The following DGKB variants were observed in gnomAD, a reference collection of about 807,000 sequenced individuals.
DGKB encodes the protein 90 kDa diacylglycerol kinase.
DGKB carries 67 observed loss-of-function variants against 114.3 expected under a neutral mutation model. The observed-to-expected ratio is 0.59, with a 90% CI of 0.48 to 0.72. The LOEUF (loss-of-function observed/expected upper bound fraction) is 0.72, where lower values mean the gene tolerates loss of function less well. Among genes scored for constraint, DGKB ranks in the 30% least tolerant of loss-of-function variants. DGKB has a pLI of 0.00. For synonymous variants in DGKB, 398 were observed against 323.1 expected (o/e 1.23, Z -2.49); for missense variants, 907 against 975.2 (o/e 0.93, Z 0.93).
At chr7:14,353,079 A>T (rs1813780065) in intron 21 of DGKB, among the ~76,000 whole-genome samples, 1 of 152,234 alleles carries the variant, frequency 6.6e-6, no homozygotes, top group Admixed American at 6.5e-5. Flanking sequence ...TGAGCTTAGA[A>T]GTGATGCTTC....
intron 12 of DGKB, among the ~76,000 whole-genome samples, chr7:14,677,059 C>G (rs1267161068): frequency 6.6e-6 from 1 of 151,784 alleles, no homozygotes; most frequent in African/African-American, 2.4e-5. Flanking sequence ...GAAATAATTT[C>G]AGAGTTTATG....
intron 20 of DGKB, among the ~76,000 whole-genome samples, chr7:14,488,831 CCAAAAAAAAA>C (rs1005944724): frequency 1.3e-4 from 14 of 103,828 alleles, no homozygotes; most frequent in East Asian, 1.2e-3. Context: ...GACTCCGTCT[CCAAAAAAAAA>C]CAAAAAAAAA....
chr7:14,843,713 A>T (rs1159440899), intron 1 of DGKB, among the ~76,000 whole-genome samples: 4 of 152,236 alleles, frequency 2.6e-5, no homozygotes, highest in Admixed American at 6.5e-5. Flanking sequence ...CTTAACTGGT[A>T]ATAACAACGG....
intron 23 of DGKB, among the ~76,000 whole-genome samples, chr7:14,327,919 C>A (rs904141802): frequency 9.2e-5 from 14 of 152,016 alleles, no homozygotes; most frequent in Non-Finnish European, 1.9e-4. Context: ...TGCAAGAGAC[C>A]ATGGTTAGCT....
At chr7:14,288,274 C>CAAACT (rs1801210386) in intron 23 of DGKB, among the ~76,000 whole-genome samples, 1 of 57,614 alleles carries the variant, frequency 1.7e-5, no homozygotes, top group South Asian at 6.6e-4. Flanking sequence ...AAAAAAGAAA[C>CAAACT]AAACTACCCT....
At chr7:14,913,711 G>A (rs1248645501) in intron 1 of DGKB, among the ~76,000 whole-genome samples, 1 of 151,902 alleles carries the variant, frequency 6.6e-6, no homozygotes, top group African/African-American at 2.4e-5. Flanking sequence ...AATTTTCAAG[G>A]ATGACTTGCT....
At position 14,930,259 on chromosome 7, in the gene DGKB, G is replaced by A. The variant is rs551687738; in HGVS notation, c.-188+44437C>T. ...ATTTTTTTCTAATTCTATGAAAAAT[G>A]AAATTTGCATTTTGATAGGGATTGC... On this transcript the variant is annotated intron_variant, in intron 1 of 4. Transcript: ENST00000437998. Among the ~76,000 whole-genome samples, 7 of 152,208 alleles carry A rather than the reference G, an allele frequency of 4.6e-5. No homozygotes were observed. The South Asian group carries it at 1.2e-3, about 27-fold the overall frequency.
At chr7:14,315,968 G>T (rs1806402483) in intron 23 of DGKB, among the ~76,000 whole-genome samples, 1 of 151,662 alleles carries the variant, frequency 6.6e-6, no homozygotes, top group South Asian at 2.1e-4. Context: ...TAGAACTCAG[G>T]ATTAAGAATT....
chr7:14,943,097 TTTTC>T (rs1489936889), intron 1 of DGKB, among the ~76,000 whole-genome samples: 2 of 151,954 alleles, frequency 1.3e-5, no homozygotes, highest in Non-Finnish European at 1.5e-5. Flanking sequence ...GTGTGCTTTA[TTTTC>T]TTTCTTTTTA....
At position 14,338,716 on chromosome 7, in the gene DGKB, C is replaced by A; in HGVS notation, c.1927-6G>T. The A allele has an allele frequency of 2.1e-6, 3 of 1,417,866 alleles. No homozygotes were observed. The highest frequency in any genetic ancestry group is 1.5e-5 in the African/African-American group (1 of 67,784). The allele number at this position is 1,417,866 out of a possible 1,614,324, so 87.8% of individuals were successfully genotyped here. ...TCTATCTGTACTCCATCACACTGAT[C>A]GGTAAAAAGAAAGAAACAGAAACGG... is the stretch of plus-strand genomic sequence containing the variant. On this transcript the variant is annotated splice_polypyrimidine_tract_variant and splice_region_variant and intron_variant, in intron 22 of 25. Transcript: ENST00000402815.
chr7:14,299,318 G>C (rs1187082197), intron 23 of DGKB, among the ~76,000 whole-genome samples: 3 of 152,060 alleles, frequency 2.0e-5, no homozygotes, highest in Non-Finnish European at 4.4e-5. Flanking sequence ...AAAATGCCTA[G>C]ATAGAAAAGC....
intron 1 of DGKB, among the ~76,000 whole-genome samples, chr7:14,970,294 T>C (rs929122620): frequency 7.2e-5 from 11 of 152,064 alleles, no homozygotes; most frequent in Non-Finnish European, 1.3e-4. Flanking sequence ...TTGAACAACA[T>C]AGAGTTTCTT....
At chr7:14,852,552 G>T (rs189537201) in intron 1 of DGKB, among the ~76,000 whole-genome samples, 9 of 115,202 alleles carry the variant, frequency 7.8e-5, no homozygotes, top group African/African-American at 2.8e-4. Flanking sequence ...CCCAGAAAAA[G>T]AAAAGATCCA....
chr7:14,726,599 A>G (rs1830072407), intron 5 of DGKB, among the ~76,000 whole-genome samples: 2 of 152,356 alleles, frequency 1.3e-5, no homozygotes, highest in African/African-American at 2.4e-5. Flanking sequence ...CATTTGAAAG[A>G]AAATTAGAAA....
intron 1 of DGKB, among the ~76,000 whole-genome samples, chr7:14,874,044 A>C (rs1228677481): frequency 6.6e-6 from 1 of 152,102 alleles, no homozygotes; most frequent in Non-Finnish European, 1.5e-5. Context: ...TCTTTAAATA[A>C]AATTCTACCA....
intron 5 of DGKB, among the ~76,000 whole-genome samples, chr7:14,724,201 GTATAAT>G (rs1166959293): frequency 1.3e-5 from 2 of 151,980 alleles, no homozygotes; most frequent in Non-Finnish European, 2.9e-5. Context: ...TTATCACATA[GTATAAT>G]TATATTTCCA....
Position 14,320,191 on chromosome 7 carries a change from A to T in DGKB, c.2122+18324T>A, listed in dbSNP as rs551974686. 7.9e-5 allele frequency among the ~76,000 whole-genome samples: 12 copies of T among 152,278 alleles called. No individual in the cohort carries two copies. The South Asian group carries it at 1.9e-3, about 24-fold the overall frequency. On this transcript the variant is annotated intron_variant, in intron 23 of 25. Coordinates refer to ENST00000402815, the MANE Select transcript of DGKB (RefSeq NM_001350709.2). ...GGTCCAGCAGTGGTGGGAACAACAG[A>T]CACTCATGCAGCTTTCCTCGCTCTC...
intron 2 of DGKB, among the ~76,000 whole-genome samples, chr7:14,776,741 G>A (rs944609835): frequency 1.1e-4 from 17 of 152,230 alleles, no homozygotes; most frequent in African/African-American, 4.1e-4. Flanking sequence ...GAGAACCTCT[G>A]CTAGGGCAGT....
chr7:14,386,452 C>T (rs1223691252), intron 21 of DGKB, among the ~76,000 whole-genome samples: 2 of 152,196 alleles, frequency 1.3e-5, no homozygotes, highest in Admixed American at 1.3e-4. Context: ...ACTCCTGTAT[C>T]ATGTATGTAT....
Sources: gnomAD v4.1 joint callset for allele counts (sites outside exome capture counted in the v4.1 genomes callset) on GRCh38, gnomAD v4.1.1 for gene constraint, MANE v1.5 for transcripts, NCBI Gene and HGNC (gene_info 2026-07-23, HGNC 2026-07-21) for gene names.